CDKL5: variants seen among roughly 807,000 people sequenced by gnomAD.
CDKL5 encodes the protein cyclin-dependent kinase-like 5.
CDKL5 carries 8 observed loss-of-function variants against 61.7 expected under a neutral mutation model. That is an observed-to-expected ratio of 0.13 (90% CI 0.08 to 0.23). The LOEUF (loss-of-function observed/expected upper bound fraction) is 0.23. Among genes scored for constraint, CDKL5 ranks in the 10% least tolerant of loss-of-function variants. The pLI is 1.00. For synonymous variants in CDKL5, 275 were observed against 272.3 expected (o/e 1.01, Z -0.10); for missense variants, 440 against 734.5 (o/e 0.60, Z 4.63).
chrX:18,492,612 C>T (rs1477617779), intron 1 of CDKL5, among the ~76,000 whole-genome samples: 1 of 111,076 alleles, frequency 9.0e-6, no homozygotes, highest in African/African-American at 3.3e-5. Context: ...TTATCCTTGC[C>T]TCCTCTTTCC....
At chrX:18,504,576 G>C (rs1285577233) in intron 1 of CDKL5, among the ~76,000 whole-genome samples, 2 of 111,969 alleles carry the variant, frequency 1.8e-5, no homozygotes, top group Non-Finnish European at 3.8e-5. Context: ...TCTACCATCA[G>C]TGTATGGAAG....
chrX:18,574,213 A>G (rs149275826), intron 4 of CDKL5, among the ~76,000 whole-genome samples: 1 of 111,979 alleles, frequency 8.9e-6, no homozygotes, highest in Non-Finnish European at 1.9e-5. Context: ...GGATTTTAGA[A>G]TGGACGTGTG....
chrX:18,625,389 A>T, intron 17 of CDKL5, 142 bp downstream of exon 17: 1 of 611,973 alleles, frequency 1.6e-6, no homozygotes, highest in Non-Finnish European at 2.7e-6. Flanking sequence ...CCTCAGTTAT[A>T]GCCAGATGCA....
In CDKL5 at chrX:18,604,157, C is replaced by T. The variant is rs907733307; in HGVS notation, c.1233C>T (p.Ala411=). Residue 411 remains alanine (A), a synonymous_variant, in exon 12 of 18, where the codon GCC becomes GCT. Transcript: ENST00000623535. ...CACACCTTCTTAGCCCAAAAGAAGC[C>T]AAGTCAAAAACAGAGTTTGATTTTA... ...NIPHLLSPKE[A]KSKTEFDFNI... is the part of the protein sequence containing the mutation. 1.2e-5 allele frequency: 14 copies of T among 1,209,723 alleles called. No homozygotes were observed. In the African/African-American group the frequency reaches 1.6e-4, roughly 14 times the overall value.
At chrX:18,479,682 ATGT>A (rs1448760435) in intron 1 of CDKL5, among the ~76,000 whole-genome samples, 1 of 111,080 alleles carries the variant, frequency 9.0e-6, no homozygotes, top group Non-Finnish European at 1.9e-5. Context: ...CATTACATGT[ATGT>A]TGTTGTGTAT....
At chrX:18,535,344 GAC>G (rs1422889696) in intron 3 of CDKL5, 1 of 113,242 alleles carries the variant, frequency 8.8e-6, no homozygotes, top group Admixed American at 9.4e-5. Context: ...TCTTGTACCT[GAC>G]ACACATGTTC....
At chrX:18,602,710 T>A (rs921468599) in intron 11 of CDKL5, among the ~76,000 whole-genome samples, 8 of 110,976 alleles carry the variant, frequency 7.2e-5, no homozygotes, top group Non-Finnish European at 1.5e-4. Flanking sequence ...CTTATGTTAT[T>A]TAATGGCTGA....
intron 10 of CDKL5, among the ~76,000 whole-genome samples, chrX:18,597,075 A>G (rs748956938): frequency 9.0e-6 from 1 of 111,295 alleles, no homozygotes; most frequent in African/African-American, 3.3e-5. Context: ...AGAGAAAATT[A>G]CTAACACCCT....
chrX:18,611,439 CAAAA>C (rs1350028134), intron 14 of CDKL5, among the ~76,000 whole-genome samples: 1 of 39,325 alleles, frequency 2.5e-5, no homozygotes. Context: ...CGTCTCAAAA[CAAAA>C]AAAAAAAAAA....
chrX:18,605,344 A>G (rs901709008), intron 12 of CDKL5, among the ~76,000 whole-genome samples: 7 of 112,508 alleles, frequency 6.2e-5, no homozygotes, highest in African/African-American at 1.9e-4. Flanking sequence ...CCAGAACTAC[A>G]GATAAATTTA....
chrX:18,650,314 C>T lies in CDKL5; in HGVS notation c.2798-96C>T. 4 of 799,415 alleles carry T rather than the reference C, an allele frequency of 5.0e-6. 1 individual carries two copies. In the South Asian group the frequency reaches 8.2e-5, roughly 16 times the overall value. 65.9% of individuals were successfully genotyped at this position (799,415 alleles called of 1,213,427 possible). A position where few individuals can be genotyped will look rare whatever the true frequency, so the allele number is the denominator to read the frequency against. On this transcript the variant is annotated intron_variant, in intron 20 of 21. Coordinates refer to the CDKL5 transcript ENST00000379989. ...TACTTACTCCCCAGGGAAGGTGACGCTCTCACTGTCACCTTGGCTTCAGCT... is the reference window on the plus strand; with the variant it reads ...TACTTACTCCCCAGGGAAGGTGACGTTCTCACTGTCACCTTGGCTTCAGCT...
intron 3 of CDKL5, among the ~76,000 whole-genome samples, chrX:18,514,254 T>C (rs1371011095): frequency 9.0e-6 from 1 of 111,629 alleles, no homozygotes; most frequent in Non-Finnish European, 1.9e-5. Context: ...AGGAAAAATA[T>C]AGCTTTTACT....
chrX:18,522,335 C>CTTTTTTT (rs369618121), intron 3 of CDKL5, among the ~76,000 whole-genome samples: 1 of 37,510 alleles, frequency 2.7e-5, no homozygotes, highest in Non-Finnish European at 4.9e-5. Context: ...CAGGCTGGAG[C>CTTTTTTT]TTTTTTTTTT....
At position 18,576,879 on chromosome X, in the gene CDKL5, C is replaced by A. The variant is rs147893149; in HGVS notation, c.282+1389C>A. On this transcript the variant is annotated intron_variant, in intron 5 of 17. Transcript: ENST00000623535. ...TTAGGATTCCAGGGGAAACCAGATG[C>A]TCTTTATTTTTTAAAAACTTTTTAG... Among the ~76,000 whole-genome samples the A allele has an allele frequency of 2.6e-3, 271 of 105,411 alleles. 2 individuals are homozygous for A. Among genetic ancestry groups the A allele is most frequent in the African/African-American group, 8.1e-3 (234 of 28,824 alleles). 91.5% of individuals were successfully genotyped at this position (105,411 alleles called of 115,157 possible).
intron 9 of CDKL5, among the ~76,000 whole-genome samples, chrX:18,592,288 T>C (rs1218575711): frequency 8.9e-6 from 1 of 112,776 alleles, no homozygotes; most frequent in Non-Finnish European, 1.9e-5. Context: ...TTTACCTCAT[T>C]GTACGGTTTT....
intron 3 of CDKL5, among the ~76,000 whole-genome samples, chrX:18,553,467 TG>T (rs1569208190): frequency 5.3e-4 from 45 of 84,766 alleles, no homozygotes; most frequent in African/African-American, 2.1e-3. Context: ...TGTGTGTGCG[TG>T]TGTGTGTGTG....
At chrX:18,538,383 T>C (rs1220568859) in intron 3 of CDKL5, among the ~76,000 whole-genome samples, 1 of 111,914 alleles carries the variant, frequency 8.9e-6, no homozygotes, top group East Asian at 2.8e-4. Flanking sequence ...TATAGCTTGC[T>C]TTTTCATTCT....
chrX:18,581,992 A>G, intron 7 of CDKL5, 42 bp downstream of exon 7: 1 of 929,925 alleles, frequency 1.1e-6, no homozygotes, highest in Non-Finnish European at 1.6e-6. Context: ...TACAGAATTA[A>G]TTTATTGTAA....
chrX:18,448,061 C>G (rs1170060929), intron 1 of CDKL5, among the ~76,000 whole-genome samples: 1 of 111,072 alleles, frequency 9.0e-6, no homozygotes, highest in Non-Finnish European at 1.9e-5. Context: ...TTAAATTCTT[C>G]CATGACTTTT....
Sources: gnomAD v4.1 joint callset for allele counts (sites outside exome capture counted in the v4.1 genomes callset) on GRCh38, gnomAD v4.1.1 for gene constraint, MANE v1.5 for transcripts, NCBI Gene and HGNC (gene_info 2026-07-23, HGNC 2026-07-21) for gene names.